Variants in PCNX2 observed in about 807,000 individuals in gnomAD.
PCNX2 encodes pecanex 2.
A neutral mutation model predicts 223.8 loss-of-function variants in PCNX2; 168 were observed. That is an observed-to-expected ratio of 0.75 (90% confidence interval 0.66 to 0.85). The LOEUF is 0.85. PCNX2 is among the 40% of genes least tolerant of loss of function. The pLI, the probability that PCNX2 is intolerant of heterozygous loss-of-function variation, is 0.00. For synonymous variants in PCNX2, 1,006 were observed against 1,052.6 expected, an observed-to-expected ratio of 0.96 and a Z score of 0.86; for missense variants, 2,507 against 2,675.5, an observed-to-expected ratio of 0.94 and a Z score of 1.39.
At chr1:233,199,795 T>TACACACACACACAC (rs60556502) in intron 14 of PCNX2, among the ~76,000 whole-genome samples, 5 of 147,868 alleles carry the variant, frequency 3.4e-5, no homozygotes, top group African/African-American at 9.9e-5. Context: ...TGTGCTCAAA[T>TACACACACACACAC]ACACACACAC....
intron 21 of PCNX2, among the ~76,000 whole-genome samples, chr1:233,121,736 C>T (rs1487306210): frequency 6.6e-6 from 1 of 152,066 alleles, no homozygotes; most frequent in Non-Finnish European, 1.5e-5. Context: ...GGGGAAAAGG[C>T]TAGAATGATC....
At chr1:233,048,422 A>G (rs1671892131) in intron 25 of PCNX2, among the ~76,000 whole-genome samples, 1 of 152,196 alleles carries the variant, frequency 6.6e-6, no homozygotes, top group Non-Finnish European at 1.5e-5. Flanking sequence ...GTGCCACTGC[A>G]CTCAGCCTGG....
intron 21 of PCNX2, among the ~76,000 whole-genome samples, chr1:233,127,206 C>A (rs59433468): frequency 0.012 from 1,776 of 152,296 alleles, 30 homozygotes; most frequent in African/African-American, 0.041. Context: ...GAAGTCCAAA[C>A]TCTGTAGCAC....
At chr1:233,237,861 A>G (rs1658511625) in intron 8 of PCNX2, among the ~76,000 whole-genome samples, 1 of 152,190 alleles carries the variant, frequency 6.6e-6, no homozygotes, top group African/African-American at 2.4e-5. Flanking sequence ...TGGCTTTGGA[A>G]TGAGAAAGAA....
intron 23 of PCNX2, among the ~76,000 whole-genome samples, chr1:233,074,593 T>A (rs1452060439): frequency 5.7e-5 from 1 of 17,548 alleles, no homozygotes; most frequent in Non-Finnish European, 9.1e-5. Flanking sequence ...AGACTCCGTC[T>A]CAAAAAAAAA....
intron 12 of PCNX2, among the ~76,000 whole-genome samples, chr1:233,210,308 A>G (rs886111739): frequency 6.6e-6 from 1 of 151,948 alleles, no homozygotes; most frequent in Admixed American, 6.6e-5. Flanking sequence ...ACCGAGTCTC[A>G]CTCTGTCGCC....
rs185922324 is a variant in PCNX2 at position 233,015,360 on chromosome 1, C to T, written c.4840-583G>A. 2.0e-3 allele frequency among the ~76,000 whole-genome samples: 301 copies of T among 152,262 alleles called. 2 individuals are homozygous for T. Among genetic ancestry groups the T allele is most frequent in the Non-Finnish European group, 2.5e-3 (168 of 67,996 alleles). On this transcript the variant is annotated intron_variant, in intron 27 of 33. Transcript: ENST00000258229. ...TTGAGCCCAGGAGTTCAAGACCATC[C>T]TGGGCAACATAGCAAAACCCCATCT... is the stretch of plus-strand genomic sequence containing the variant.
At chr1:233,081,500 T>C (rs1673357089) in intron 23 of PCNX2, among the ~76,000 whole-genome samples, 1 of 152,170 alleles carries the variant, frequency 6.6e-6, no homozygotes, top group East Asian at 1.9e-4. Flanking sequence ...CATCCCTGCT[T>C]AGCGTCTGGA....
intron 1 of PCNX2, among the ~76,000 whole-genome samples, chr1:233,286,495 T>G (rs1339099546): frequency 6.6e-6 from 1 of 152,036 alleles, no homozygotes; most frequent in African/African-American, 2.4e-5. Flanking sequence ...GAAAGGAATA[T>G]GTGGACGTTG....
intron 23 of PCNX2, among the ~76,000 whole-genome samples, chr1:233,064,184 G>C (rs1022197118): frequency 1.6e-4 from 24 of 152,070 alleles, no homozygotes; most frequent in Non-Finnish European, 1.9e-4. Context: ...TTTCCAGTCA[G>C]TTTTTATTGT....
intron 26 of PCNX2, chr1:233,019,231 CTCTCCCT>C (rs1469921837): frequency 7.1e-6 from 7 of 982,812 alleles, no homozygotes; most frequent in Non-Finnish European, 8.5e-6. Context: ...ATGGCTGATG[CTCTCCCT>C]TCTTTTGGAC....
chr1:233,102,498 C>T (rs1370902147), intron 21 of PCNX2, among the ~76,000 whole-genome samples: 1 of 152,128 alleles, frequency 6.6e-6, no homozygotes, highest in Non-Finnish European at 1.5e-5. Flanking sequence ...TTCCCGCCAA[C>T]AGGGTATAAG....
chr1:233,312,490 C>T, the PCNX2 span, among the ~76,000 whole-genome samples: 82 of 152,168 alleles, frequency 5.4e-4, no homozygotes, highest in Middle Eastern at 3.4e-3. Flanking sequence ...TCAAGAAGCA[C>T]CAGGCCCAAG....
chr1:233,321,540 C>T, the PCNX2 span, among the ~76,000 whole-genome samples: 2 of 152,258 alleles, frequency 1.3e-5, no homozygotes, highest in South Asian at 2.1e-4. Context: ...TCAAGTGATC[C>T]GCCCACCTTG....
intron 17 of PCNX2, among the ~76,000 whole-genome samples, chr1:233,174,482 T>C (rs1156869728): frequency 6.6e-6 from 1 of 151,730 alleles, no homozygotes; most frequent in Non-Finnish European, 1.5e-5. Context: ...TTAAATTCAC[T>C]GTGGCATTTT....
intron 1 of PCNX2, among the ~76,000 whole-genome samples, chr1:233,287,290 G>A (rs1661502012): frequency 6.6e-6 from 1 of 152,164 alleles, no homozygotes. Flanking sequence ...TACATTTTTA[G>A]TGTTTGTATG....
chr1:233,021,036 A>T (rs1398323710), intron 26 of PCNX2, among the ~76,000 whole-genome samples: 1 of 149,896 alleles, frequency 6.7e-6, no homozygotes, highest in African/African-American at 2.5e-5. Context: ...CAAAGAAGAA[A>T]ATCATCTTTT....
At chr1:233,169,450 T>C (rs1001985512) in intron 17 of PCNX2, among the ~76,000 whole-genome samples, 9 of 151,584 alleles carry the variant, frequency 5.9e-5, no homozygotes, top group Non-Finnish European at 1.0e-4. Flanking sequence ...ATCGAGACCA[T>C]CCTGGCTAAC....
chr1:233,035,115 G>A (rs1036839953), intron 25 of PCNX2, among the ~76,000 whole-genome samples: 1 of 152,150 alleles, frequency 6.6e-6, no homozygotes, highest in Non-Finnish European at 1.5e-5. Context: ...TCAAAGGGAC[G>A]TTAAACATGG....
Sources: allele counts gnomAD v4.1 joint callset (sites outside exome capture counted in the v4.1 genomes callset), GRCh38; gene constraint gnomAD v4.1.1; transcripts MANE v1.5; gene names NCBI Gene and HGNC (gene_info 2026-07-23, HGNC 2026-07-21).